Variants in DRC11 observed in about 807,000 individuals in gnomAD.
DRC11 encodes IQ and AAA domain-containing protein 1.
At chr2:236,416,753 A>T in the DRC11 span, among the ~76,000 whole-genome samples, 12 of 79,210 alleles carry the variant, frequency 1.5e-4, no homozygotes, top group South Asian at 3.6e-4. Flanking sequence ...ATATATATAT[A>T]TATATATATA....
the DRC11 span, among the ~76,000 whole-genome samples, chr2:236,447,728 TC>T: frequency 6.6e-6 from 1 of 152,220 alleles, no homozygotes; most frequent in African/African-American, 2.4e-5. This position sits in a 1 kb window ranked among gnomAD's most constrained non-coding sequence, Gnocchi z 4.6. Flanking sequence ...GAGAGAGTCC[TC>T]ACACAGATAG....
the DRC11 span, among the ~76,000 whole-genome samples, chr2:236,321,005 C>T: frequency 6.6e-6 from 1 of 152,132 alleles, no homozygotes; most frequent in African/African-American, 2.4e-5. Flanking sequence ...TGACCTGCTC[C>T]GTGGATGACA....
chr2:236,371,142 C>T, the DRC11 span, among the ~76,000 whole-genome samples: 2 of 151,960 alleles, frequency 1.3e-5, no homozygotes, highest in Non-Finnish European at 2.9e-5. The surrounding 1 kb of genome is among the most constrained non-coding windows in gnomAD (Gnocchi z 5.1). Flanking sequence ...CCTGCCCTGC[C>T]TGGATGAAGG....
At chr2:236,496,215 T>C in the DRC11 span, among the ~76,000 whole-genome samples, 1 of 152,206 alleles carries the variant, frequency 6.6e-6, no homozygotes, top group Non-Finnish European at 1.5e-5. The surrounding 1 kb of genome is among the most constrained non-coding windows in gnomAD (Gnocchi z 6.3). Context: ...ATAAAACTTT[T>C]AGAATAATCA....
At chr2:236,499,256 G>A in the DRC11 span, among the ~76,000 whole-genome samples, 5 of 152,128 alleles carry the variant, frequency 3.3e-5, no homozygotes, top group African/African-American at 1.2e-4. This position sits in a 1 kb window ranked among gnomAD's most constrained non-coding sequence, Gnocchi z 4.7. Flanking sequence ...GGCCTATACA[G>A]ATCTGCAAGC....
the DRC11 span, among the ~76,000 whole-genome samples, chr2:236,361,726 G>A: frequency 6.6e-6 from 1 of 152,058 alleles, no homozygotes; most frequent in African/African-American, 2.4e-5. The surrounding 1 kb of genome is among the most constrained non-coding windows in gnomAD (Gnocchi z 5.7). Context: ...AACAAATGGA[G>A]AACAAATAGC....
the DRC11 span, among the ~76,000 whole-genome samples, chr2:236,393,928 T>G: frequency 2.0e-5 from 3 of 152,142 alleles, no homozygotes; most frequent in Admixed American, 6.5e-5. The surrounding 1 kb of genome is among the most constrained non-coding windows in gnomAD (Gnocchi z 4.7). Flanking sequence ...TTCCCCTTTC[T>G]GAGAAATGAA....
chr2:236,426,075 T>C, the DRC11 span, among the ~76,000 whole-genome samples: 1 of 151,988 alleles, frequency 6.6e-6, no homozygotes, highest in African/African-American at 2.4e-5. This position sits in a 1 kb window ranked among gnomAD's most constrained non-coding sequence, Gnocchi z 4.1. Flanking sequence ...GTGATGTCTT[T>C]AGCTTTGTTC....
At chr2:236,370,393 G>T in the DRC11 span, among the ~76,000 whole-genome samples, 1 of 152,182 alleles carries the variant, frequency 6.6e-6, no homozygotes, top group Non-Finnish European at 1.5e-5. The surrounding 1 kb of genome is among the most constrained non-coding windows in gnomAD (Gnocchi z 5.5). Flanking sequence ...TAAAGGCCTG[G>T]CATCTTGGAG....
chr2:236,372,868 T>A, the DRC11 span, among the ~76,000 whole-genome samples: 3 of 152,148 alleles, frequency 2.0e-5, no homozygotes, highest in African/African-American at 7.2e-5. This position sits in a 1 kb window ranked among gnomAD's most constrained non-coding sequence, Gnocchi z 4.5. Context: ...TGCCTCCGCC[T>A]CCCAGAGTGC....
chr2:236,467,447 G>A, the DRC11 span, among the ~76,000 whole-genome samples: 39 of 152,300 alleles, frequency 2.6e-4, no homozygotes, highest in Non-Finnish European at 4.6e-4. Context: ...TTGACTTTCA[G>A]TTACGTGTAT....
At chr2:236,311,495 A>G in the DRC11 span, among the ~76,000 whole-genome samples, 1 of 152,188 alleles carries the variant, frequency 6.6e-6, no homozygotes, top group Non-Finnish European at 1.5e-5. The surrounding 1 kb of genome is among the most constrained non-coding windows in gnomAD (Gnocchi z 6.9). Context: ...ATTTCTCCAG[A>G]CGTGGCCAGA....
At chr2:236,491,163 ATATATATATATATATATACACACAG>A in the DRC11 span, among the ~76,000 whole-genome samples, 149 of 75,030 alleles carry the variant, frequency 2.0e-3, 4 homozygotes, top group Non-Finnish European at 3.1e-3. Context: ...CACACAGTAT[ATATATATATATATATATACACACAG>A]TATATATATA....
At chr2:236,455,963 C>G in the DRC11 span, among the ~76,000 whole-genome samples, 1 of 152,070 alleles carries the variant, frequency 6.6e-6, no homozygotes, top group Non-Finnish European at 1.5e-5. The surrounding 1 kb of genome is among the most constrained non-coding windows in gnomAD (Gnocchi z 5.7). Flanking sequence ...GCAGCCCTTG[C>G]TCTCCGCGCC....
chr2:236,356,272 T>C, the DRC11 span, among the ~76,000 whole-genome samples: 2 of 152,220 alleles, frequency 1.3e-5, 1 homozygote, highest in South Asian at 4.1e-4. Context: ...TGGCCTTCCC[T>C]TGCCTGTCTA....
At chr2:236,481,220 G>T in the DRC11 span, among the ~76,000 whole-genome samples, 1 of 152,192 alleles carries the variant, frequency 6.6e-6, no homozygotes, top group African/African-American at 2.4e-5. Flanking sequence ...TGCCCTAAAA[G>T]GTTTTTATCC....
the DRC11 span, among the ~76,000 whole-genome samples, chr2:236,357,314 T>C: frequency 5.1e-5 from 6 of 116,908 alleles, no homozygotes; most frequent in South Asian, 1.2e-3. Flanking sequence ...TATAGATCTA[T>C]ATATTATATA....
chr2:236,497,241 C>T, the DRC11 span: 2 of 1,613,626 alleles, frequency 1.2e-6, no homozygotes, highest in East Asian at 2.2e-5. This position sits in a 1 kb window ranked among gnomAD's most constrained non-coding sequence, Gnocchi z 5.1. Context: ...TCTCGTTCTT[C>T]AGCTCCAGGA....
At chr2:236,357,645 T>TATATAAC in the DRC11 span, among the ~76,000 whole-genome samples, 1 of 126,678 alleles carries the variant, frequency 7.9e-6, no homozygotes, top group Non-Finnish European at 1.6e-5. Context: ...AATATGTAAA[T>TATATAAC]ATATAAATTA....
Sources: allele counts gnomAD v4.1 joint callset (sites outside exome capture counted in the v4.1 genomes callset), GRCh38; gene constraint gnomAD v4.1.1; non-coding constraint Gnocchi (gnomAD v3.1); transcripts MANE v1.5; gene names NCBI Gene and HGNC (gene_info 2026-07-23, HGNC 2026-07-21).